Variants in ABCA3 observed in about 807,000 individuals in gnomAD.
ABCA3 encodes phospholipid-transporting ATPase ABCA3.
In ABCA3, 88 loss-of-function variants were observed where a neutral mutation model predicts 172.8. That is an observed-to-expected ratio of 0.51 (90% CI 0.43 to 0.61). ABCA3 has a LOEUF of 0.61. Ranked by LOEUF, ABCA3 falls within the 20% of genes least tolerant of loss-of-function variation. ABCA3 has a pLI of 0.00. For synonymous variants in ABCA3, 1,066 were observed against 983.8 expected, an observed-to-expected ratio of 1.08 and a Z score of -1.56; for missense variants, 2,164 against 2,301.0, an observed-to-expected ratio of 0.94 and a Z score of 1.22.
intron 12 of ABCA3, among the ~76,000 whole-genome samples, chr16:2,302,266 T>C (rs1043414913): frequency 6.6e-6 from 1 of 152,154 alleles, no homozygotes; most frequent in African/African-American, 2.4e-5. Flanking sequence ...CTAGTGCCGC[T>C]GGGTTAAGGT....
chr16:2,327,269 A>T (rs1216275971), intron 3 of ABCA3, among the ~76,000 whole-genome samples: 2 of 152,014 alleles, frequency 1.3e-5, no homozygotes, highest in African/African-American at 4.8e-5. Flanking sequence ...CATGCCACCA[A>T]CACCCGGCTG....
intron 7 of ABCA3, among the ~76,000 whole-genome samples, chr16:2,322,287 C>A (rs965693856): frequency 7.9e-5 from 12 of 151,650 alleles, no homozygotes; most frequent in African/African-American, 2.9e-4. Context: ...TTGCTATCTT[C>A]AAGGATTATT....
At chr16:2,301,191 A>T (rs1185104165) in intron 12 of ABCA3, among the ~76,000 whole-genome samples, 1 of 151,114 alleles carries the variant, frequency 6.6e-6, no homozygotes, top group Non-Finnish European at 1.5e-5. Context: ...AGATGGCACC[A>T]CTGTACTCCA....
chr16:2,340,281 G>A (rs1046057812), intron 1 of ABCA3, among the ~76,000 whole-genome samples: 17 of 152,246 alleles, frequency 1.1e-4, no homozygotes, highest in African/African-American at 4.1e-4. Flanking sequence ...TCCCCGCGCG[G>A]CGCGGGCTCA....
In ABCA3 at chr16:2,278,963, G is replaced by C. The variant is rs368567938; in HGVS notation, c.4527C>G (p.Asn1509Lys). 5 of 1,613,524 alleles carry C rather than the reference G, an allele frequency of 3.1e-6. No individual in the cohort carries two copies. The African/African-American group carries it at 6.7e-5, about 22-fold the overall frequency. Residue 1509 changes from asparagine to lysine, a missense_variant, in exon 29 of 33, where the codon AAC becomes AAG. Coordinates refer to ENST00000301732, the MANE Select transcript of ABCA3 (RefSeq NM_001089.3). This position sits in a 1 kb window ranked among gnomAD's most constrained non-coding sequence, Gnocchi z 4.4. ...LRGLLLEPHANKLVRTYSGGN... is the reference protein window; with the variant it reads ...LRGLLLEPHAKKLVRTYSGGN... The stretch of plus-strand genomic sequence containing the variant: ...TGCACCTGTACGTCCTGACCAGCTT[G>C]TTGGCATGTGGCTCCAGCAGCAGGC...
intron 11 of ABCA3, among the ~76,000 whole-genome samples, chr16:2,308,036 C>G (rs1422352419): frequency 1.3e-5 from 2 of 152,186 alleles, no homozygotes; most frequent in Non-Finnish European, 2.9e-5. Flanking sequence ...TGAGACCAGG[C>G]TGGGCAACAC....
intron 12 of ABCA3, among the ~76,000 whole-genome samples, chr16:2,301,305 A>G (rs889018900): frequency 2.0e-5 from 3 of 152,080 alleles, no homozygotes; most frequent in African/African-American, 7.2e-5. Context: ...TTTCTTTCTT[A>G]GTGATAGACA....
chr16:2,314,557 T>A (rs2093711813), intron 10 of ABCA3, among the ~76,000 whole-genome samples: 1 of 151,530 alleles, frequency 6.6e-6, no homozygotes. Context: ...ACGATGTGAA[T>A]GCTTAAAGCG....
intron 17 of ABCA3, 141 bp from the exon 18 acceptor site, chr16:2,295,881 G>T (rs1362874080): frequency 2.6e-6 from 3 of 1,158,890 alleles, no homozygotes; most frequent in East Asian, 5.0e-5. Flanking sequence ...GAAGCAGAAT[G>T]AATGTGTCTT....
At chr16:2,327,357 G>C (rs1018709979) in intron 3 of ABCA3, among the ~76,000 whole-genome samples, 1 of 152,176 alleles carries the variant, frequency 6.6e-6, no homozygotes, top group Non-Finnish European at 1.5e-5. Flanking sequence ...ATGCTATTAG[G>C]ATGTTCTTGG....
At chr16:2,332,723 G>GC in intron 1 of ABCA3, 2 of 1,259,412 alleles carry the variant, frequency 1.6e-6, no homozygotes, top group South Asian at 2.5e-5. Flanking sequence ...CCAAAGACCC[G>GC]CACCGATTGC....
chr16:2,298,618 C>A (rs935224080), intron 14 of ABCA3, 78 bp from the exon 15 acceptor site: 37 of 1,531,492 alleles, frequency 2.4e-5, no homozygotes, highest in Non-Finnish European at 3.1e-5. Flanking sequence ...CCCCCACCCC[C>A]TCTCTGTCTC....
At position 2,286,489 on chromosome 16, in the gene ABCA3, T is replaced by C. The variant is rs1445559643; in HGVS notation, c.3278+205A>G. ...TCATGGGTCCCCGTGAGGACCGCAG[T>C]GCATGGGATGGCCCACAGCTGATCT... On this transcript the variant is annotated intron_variant, in intron 22 of 32. Coordinates refer to ENST00000301732, the MANE Select transcript of ABCA3 (RefSeq NM_001089.3). This position sits in a 1 kb window ranked among gnomAD's most constrained non-coding sequence, Gnocchi z 5.2. Among the ~76,000 whole-genome samples, 1 of 152,044 alleles carries C rather than the reference T, an allele frequency of 6.6e-6. No homozygotes were observed. The highest frequency in any genetic ancestry group is 2.4e-5 in the African/African-American group (1 of 41,402).
At chr16:2,280,933 T>C (rs1158351868) in intron 28 of ABCA3, 94 bp downstream of exon 28, 1 of 1,517,616 alleles carries the variant, frequency 6.6e-7, no homozygotes, top group African/African-American at 1.4e-5. Context: ...ATGCAGCAGC[T>C]GTTTGGGGAC....
intron 1 of ABCA3, among the ~76,000 whole-genome samples, chr16:2,331,725 CAG>C (rs1327577128): frequency 5.3e-5 from 8 of 152,246 alleles, no homozygotes. Flanking sequence ...GCCGAGGCGG[CAG>C]AGTCTCCAGA....
At chr16:2,295,208 C>T (rs1459594057) in intron 18 of ABCA3, among the ~76,000 whole-genome samples, 2 of 152,180 alleles carry the variant, frequency 1.3e-5, no homozygotes, top group African/African-American at 2.4e-5. Flanking sequence ...AGCTCTGACA[C>T]TGAGACCAAA....
Position 2,326,050 on chromosome 16 carries a change from G to T in ABCA3, c.279C>A (p.Val93=). 6.2e-7 allele frequency: 1 copy of T among 1,614,070 alleles called. No homozygotes were observed. The highest frequency in any genetic ancestry group is 1.1e-5 in the South Asian group (1 of 91,064). Residue 93 remains valine, a synonymous_variant, in exon 5 of 33, where the codon GTC becomes GTA. Coordinates refer to ENST00000301732, the MANE Select transcript of ABCA3 (RefSeq NM_001089.3). The part of the protein sequence containing the change: ...IPSHSDAAKT[V]TETVRRALVI... The stretch of plus-strand genomic sequence containing the variant: ...CAAGTGCCCTGCGCACTGTCTCAGT[G>T]ACGGTCTTGGCAGCGTCACTGTGAG...
At chr16:2,276,951 GCCCTGCGACGGCA>G in intron 32 of ABCA3, 146 bp from the exon 33 acceptor site, 1 of 1,245,406 alleles carries the variant, frequency 8.0e-7, no homozygotes, top group Non-Finnish European at 1.1e-6. Flanking sequence ...AGAGAGGTCA[GCCCTGCGACGGCA>G]CCGTGCTCCC....
intron 10 of ABCA3, among the ~76,000 whole-genome samples, chr16:2,316,516 A>AT (rs2093716107): frequency 8.4e-6 from 1 of 119,732 alleles, no homozygotes; most frequent in African/African-American, 3.0e-5. Context: ...AAAAAAAAAA[A>AT]AAAAAAAAAA....
Sources: allele counts gnomAD v4.1 joint callset (sites outside exome capture counted in the v4.1 genomes callset), GRCh38; gene constraint gnomAD v4.1.1; non-coding constraint Gnocchi (gnomAD v3.1); transcripts MANE v1.5; gene names NCBI Gene and HGNC (gene_info 2026-07-23, HGNC 2026-07-21).